The following SLC1A2 variants were observed in gnomAD, a reference collection of about 807,000 sequenced individuals.
The protein encoded by SLC1A2 is solute carrier family 1 member 2.
In SLC1A2, 15 loss-of-function variants were observed where a neutral mutation model predicts 48.8. That is an observed-to-expected ratio of 0.31 (90% CI 0.21 to 0.47). The LOEUF (loss-of-function observed/expected upper bound fraction) is 0.47. SLC1A2 is among the 20% of genes least tolerant of loss of function. SLC1A2 has a pLI of 0.99. For missense variants in SLC1A2, 502 were observed against 730.5 expected (o/e 0.69, Z 3.61); for synonymous variants, 279 against 272.6 (o/e 1.02, Z -0.23).
intron 1 of SLC1A2, among the ~76,000 whole-genome samples, chr11:35,338,908 A>C (rs1852735119): frequency 6.6e-6 from 1 of 152,204 alleles, no homozygotes. Flanking sequence ...CCAGGTCTCC[A>C]CTGAGCTTTT....
At chr11:35,394,875 GCT>G (rs1854903033) in intron 1 of SLC1A2, among the ~76,000 whole-genome samples, 1 of 152,234 alleles carries the variant, frequency 6.6e-6, no homozygotes, top group Non-Finnish European at 1.5e-5. Flanking sequence ...AGAGAATACA[GCT>G]GCAGGTATGT....
In SLC1A2 at chr11:35,260,892, C is replaced by T; in HGVS notation, c.*2G>A. The T allele has an allele frequency of 6.2e-7, 1 of 1,607,290 alleles. No homozygotes were observed. The highest frequency in any genetic ancestry group is 8.5e-7 in the Non-Finnish European group (1 of 1,173,822). ...TTCAAGAATTTGCTGAGACTCATAT[C>T]CTTATTTCTCACGTTTCCAAGGTTC... On this transcript the variant is annotated 3_prime_UTR_variant, in exon 11 of 11. Transcript: ENST00000278379.
At chr11:35,278,273 G>GTTTTTT (rs35889672) in intron 9 of SLC1A2, among the ~76,000 whole-genome samples, 1 of 88,658 alleles carries the variant, frequency 1.1e-5, no homozygotes, top group Non-Finnish European at 2.3e-5. Context: ...GTTTTTTTTT[G>GTTTTTT]TTTTTTTTTT....
chr11:35,400,923 A>G (rs1449018306), intron 1 of SLC1A2, among the ~76,000 whole-genome samples: 1 of 152,072 alleles, frequency 6.6e-6, no homozygotes, highest in Non-Finnish European at 1.5e-5. Context: ...CATTTTGGGG[A>G]GACATAAAAC....
Position 35,251,772 on chromosome 11 carries a change from T to C in SLC1A2, c.*9122A>G, listed in dbSNP as rs1057003456. The C allele has an allele frequency of 6.6e-6, 1 of 152,630 alleles. No homozygotes were observed. The highest frequency in any genetic ancestry group is 2.4e-5 in the African/African-American group (1 of 41,446). 9.5% of individuals were successfully genotyped at this position (152,630 alleles called of 1,614,324 possible). A position where few individuals can be genotyped will look rare whatever the true frequency, so the allele number is the denominator to read the frequency against. ...AATTAATGTGCTTCATGCCCCCTGA[T>C]GATATTGTAGGCTTTACCCTTCTTG... On this transcript the variant is annotated 3_prime_UTR_variant, in exon 11 of 11. Transcript: ENST00000278379.
chr11:35,347,803 C>T (rs988306963), intron 1 of SLC1A2, among the ~76,000 whole-genome samples: 1 of 152,162 alleles, frequency 6.6e-6, no homozygotes, highest in African/African-American at 2.4e-5. Flanking sequence ...AAACTCCTGG[C>T]CTCAAGCAAT....
intron 1 of SLC1A2, among the ~76,000 whole-genome samples, chr11:35,362,799 T>A (rs540383733): frequency 6.6e-6 from 1 of 152,238 alleles, no homozygotes; most frequent in African/African-American, 2.4e-5. Flanking sequence ...GATTTTCAGG[T>A]CTCATGTCTT....
In SLC1A2 at chr11:35,254,989, G is replaced by A. The variant is rs553272868; in HGVS notation, c.*5905C>T. 113 of 288,742 alleles carry A rather than the reference G, an allele frequency of 3.9e-4. No homozygotes were observed. Among genetic ancestry groups the A allele is most frequent in the African/African-American group, 2.3e-3 (102 of 44,616 alleles). 17.9% of individuals were successfully genotyped at this position (288,742 alleles called of 1,614,324 possible). On this transcript the variant is annotated 3_prime_UTR_variant, in exon 11 of 11. Coordinates refer to ENST00000278379, the MANE Select transcript of SLC1A2 (RefSeq NM_004171.4). ...CACTTTTCTACAGGTTCTTATCTGG[G>A]TCAATGAAGAAATTGTGTTTATCTT...
At chr11:35,309,107 TC>T (rs1013637462) in intron 4 of SLC1A2, among the ~76,000 whole-genome samples, 3 of 152,194 alleles carry the variant, frequency 2.0e-5, no homozygotes, top group Non-Finnish European at 4.4e-5. Flanking sequence ...CTCATTCTGA[TC>T]CCCTATCCTC....
intron 10 of SLC1A2, among the ~76,000 whole-genome samples, chr11:35,263,635 G>A (rs531811613): frequency 4.6e-5 from 7 of 152,096 alleles, no homozygotes; most frequent in Admixed American, 2.0e-4. Context: ...AGGGCCATAC[G>A]CAGTTAACCA....
chr11:35,414,115 C>T (rs1367105036), intron 1 of SLC1A2, among the ~76,000 whole-genome samples: 1 of 152,108 alleles, frequency 6.6e-6, no homozygotes, highest in Non-Finnish European at 1.5e-5. Context: ...AAGCAACTGT[C>T]GAGATTGCCA....
chr11:35,386,332 C>T (rs544929262), intron 1 of SLC1A2, among the ~76,000 whole-genome samples: 75 of 152,126 alleles, frequency 4.9e-4, no homozygotes, highest in African/African-American at 1.8e-3. Flanking sequence ...ATTCCTCACT[C>T]TTTTATTGTG....
In SLC1A2 at chr11:35,265,353, A is replaced by G. The variant is rs1279810436; in HGVS notation, c.1653+174T>C. On this transcript the variant is annotated intron_variant, in intron 10 of 10. Coordinates refer to ENST00000278379, the MANE Select transcript of SLC1A2 (RefSeq NM_004171.4). ...CCATCAGACTTGTTGATTTCCTGCC[A>G]TGTTAGACACAGAATTAGATGATCT... 16 of 578,520 alleles carry G rather than the reference A, an allele frequency of 2.8e-5. No individual in the cohort carries two copies. In the East Asian group the frequency reaches 3.7e-4, roughly 13 times the overall value. 35.8% of individuals were successfully genotyped at this position (578,520 alleles called of 1,614,324 possible).
rs184616352 is a variant in SLC1A2 at position 35,347,483 on chromosome 11, C to A, written c.18-29967G>T. On this transcript the variant is annotated intron_variant, in intron 1 of 10. Coordinates refer to ENST00000278379, the MANE Select transcript of SLC1A2 (RefSeq NM_004171.4). The stretch of plus-strand genomic sequence containing the variant: ...ATAGTGGCTGCTGGAGCAATGTTTT[C>A]AGAAGGATTCCAAGGCTGAATCTTC... Among the ~76,000 whole-genome samples the A allele has an allele frequency of 1.9e-3, 289 of 152,358 alleles. 2 individuals are homozygous for A. The highest frequency in any genetic ancestry group is 6.7e-3 in the African/African-American group (277 of 41,580).
intron 1 of SLC1A2, among the ~76,000 whole-genome samples, chr11:35,392,939 A>G (rs3945931): frequency 0.022 from 3,341 of 152,286 alleles, 136 homozygotes; most frequent in African/African-American, 0.076. Context: ...CCTTTTTCCA[A>G]GCACCTATAT....
At chr11:35,289,370 C>T (rs1397984308) in intron 7 of SLC1A2, among the ~76,000 whole-genome samples, 1 of 151,844 alleles carries the variant, frequency 6.6e-6, no homozygotes, top group Non-Finnish European at 1.5e-5. Context: ...ACATGACTCA[C>T]GCCACATGGC....
chr11:35,343,840 GCACA>G (rs775705068), intron 1 of SLC1A2, among the ~76,000 whole-genome samples: 2 of 149,526 alleles, frequency 1.3e-5, no homozygotes, highest in Non-Finnish European at 3.0e-5. Flanking sequence ...ACACACACAG[GCACA>G]CACACACACA....
In SLC1A2 at chr11:35,419,263, A is replaced by G. The variant is rs1329208739; in HGVS notation, c.-297T>C. 3 of 371,874 alleles carry G rather than the reference A, an allele frequency of 8.1e-6. No homozygotes were observed. The highest frequency in any genetic ancestry group is 1.4e-5 in the Non-Finnish European group (3 of 209,404). 23.0% of individuals were successfully genotyped at this position (371,874 alleles called of 1,614,324 possible). On this transcript the variant is annotated 5_prime_UTR_variant, in exon 1 of 11. Transcript: ENST00000278379. This position sits in a 1 kb window ranked among gnomAD's most constrained non-coding sequence, Gnocchi z 5.4. Reference sequence around the variant, plus strand: ...GCTCCGAGGGTGGCTTCCCCGAGAGAGCGATGCGCCCAGGGCTGCAGGAGG... The same window carrying G: ...GCTCCGAGGGTGGCTTCCCCGAGAGGGCGATGCGCCCAGGGCTGCAGGAGG...
intron 9 of SLC1A2, among the ~76,000 whole-genome samples, chr11:35,272,444 C>T (rs1264197879): frequency 6.6e-6 from 1 of 152,190 alleles, no homozygotes; most frequent in Non-Finnish European, 1.5e-5. Flanking sequence ...GGATGCCCAG[C>T]CAGGAGGTAG....
Sources: allele counts gnomAD v4.1 joint callset (sites outside exome capture counted in the v4.1 genomes callset), GRCh38; gene constraint gnomAD v4.1.1; non-coding constraint Gnocchi (gnomAD v3.1); transcripts MANE v1.5; gene names NCBI Gene and HGNC (gene_info 2026-07-23, HGNC 2026-07-21).